The following FBXW4 variants were observed in gnomAD, a reference collection of about 807,000 sequenced individuals.
The protein encoded by FBXW4 is F-box/WD repeat-containing protein 4.
In FBXW4, 40 loss-of-function variants were observed where a neutral mutation model predicts 61.8. The observed-to-expected ratio is 0.65, with a 90% CI of 0.50 to 0.84. The LOEUF (loss-of-function observed/expected upper bound fraction) is 0.84. Among genes scored for constraint, FBXW4 ranks in the 40% least tolerant of loss-of-function variants. The probability of loss-of-function intolerance (pLI) is 0.00; values close to 1 mark genes in which losing one functional copy is unlikely to be tolerated. For synonymous variants in FBXW4, 311 were observed against 313.8 expected (o/e 0.99, Z 0.10); for missense variants, 672 against 753.8 (o/e 0.89, Z 1.27).
At chr10:101,665,269 T>A (rs1386645035) in intron 5 of FBXW4, among the ~76,000 whole-genome samples, 2 of 152,144 alleles carry the variant, frequency 1.3e-5, no homozygotes, top group Non-Finnish European at 2.9e-5. Context: ...ACACAAACTA[T>A]TTTTTAAAAG....
intron 5 of FBXW4, among the ~76,000 whole-genome samples, chr10:101,646,503 T>G (rs1348436590): frequency 6.6e-6 from 1 of 152,212 alleles, no homozygotes; most frequent in Non-Finnish European, 1.5e-5. Context: ...CAGAAAGCAT[T>G]TCCCCCACAG....
At chr10:101,619,683 G>GT (rs2063853099) in intron 6 of FBXW4, among the ~76,000 whole-genome samples, 1 of 151,798 alleles carries the variant, frequency 6.6e-6, no homozygotes, top group South Asian at 2.1e-4. Flanking sequence ...AGAAGAGGAA[G>GT]GGGGAAGGGG....
chr10:101,638,488 CAA>C (rs781303866), intron 5 of FBXW4, among the ~76,000 whole-genome samples: 20 of 79,520 alleles, frequency 2.5e-4, no homozygotes, highest in Admixed American at 4.1e-4. Flanking sequence ...GGATGTCCTG[CAA>C]AAAAAAAAAA....
chr10:101,645,249 A>G (rs961149932), intron 5 of FBXW4, among the ~76,000 whole-genome samples: 1 of 152,192 alleles, frequency 6.6e-6, no homozygotes, highest in African/African-American at 2.4e-5. Flanking sequence ...CCCCTGCGGC[A>G]TGGAACAGCC....
Position 101,611,794 on chromosome 10 carries a change from G to T in FBXW4, c.1443-25C>A. ...CCTGTCCAGGAAGAGGAGAAGCAGA[G>T]GGAGGTTTAGGGTACCCTCCACCTC... On this transcript the variant is annotated intron_variant, in intron 7 of 8. Coordinates refer to ENST00000331272, the MANE Select transcript of FBXW4 (RefSeq NM_022039.4). This position sits in a 1 kb window ranked among gnomAD's most constrained non-coding sequence, Gnocchi z 4.9. The T allele has an allele frequency of 6.2e-7, 1 of 1,604,874 alleles. No homozygotes were observed. Among genetic ancestry groups the T allele is most frequent in the South Asian group, 1.1e-5 (1 of 90,666 alleles).
At chr10:101,627,276 C>T (rs1474305612) in intron 5 of FBXW4, among the ~76,000 whole-genome samples, 1 of 152,128 alleles carries the variant, frequency 6.6e-6, no homozygotes, top group East Asian at 1.9e-4. Flanking sequence ...CACCTAACCA[C>T]TATGAATCAA....
At chr10:101,663,862 ACCT>A (rs764397130) in intron 5 of FBXW4, among the ~76,000 whole-genome samples, 2 of 152,058 alleles carry the variant, frequency 1.3e-5, no homozygotes, top group Non-Finnish European at 2.9e-5. Context: ...TCCAGGTGAG[ACCT>A]CCTCTACAGG....
At chr10:101,618,024 G>T (rs911919304) in intron 6 of FBXW4, among the ~76,000 whole-genome samples, 3 of 152,236 alleles carry the variant, frequency 2.0e-5, no homozygotes, top group Non-Finnish European at 4.4e-5. Flanking sequence ...GAGGGCCAGG[G>T]CAGACAAAGC....
chr10:101,646,159 C>T (rs557965914), intron 5 of FBXW4, among the ~76,000 whole-genome samples: 11 of 152,158 alleles, frequency 7.2e-5, no homozygotes, highest in Admixed American at 1.3e-4. Context: ...TATACTGTTC[C>T]CCTGCAGTAT....
chr10:101,634,435 C>G (rs2134832942), intron 5 of FBXW4, among the ~76,000 whole-genome samples: 1 of 149,132 alleles, frequency 6.7e-6, no homozygotes, highest in East Asian at 1.9e-4. Flanking sequence ...TAAAATTCAT[C>G]TAGAAGAGGA....
intron 5 of FBXW4, among the ~76,000 whole-genome samples, chr10:101,644,242 A>G (rs1194339072): frequency 3.3e-5 from 5 of 152,144 alleles, no homozygotes; most frequent in Admixed American, 3.3e-4. Context: ...GTGCAAGCCA[A>G]ACAAAAGAGG....
At chr10:101,659,532 T>C (rs974111635) in intron 5 of FBXW4, 16 of 508,294 alleles carry the variant, frequency 3.1e-5, no homozygotes, top group African/African-American at 2.9e-4. Context: ...TATGAAGCAA[T>C]GAGATGCTTC....
At chr10:101,653,453 T>C (rs1185311027) in intron 5 of FBXW4, among the ~76,000 whole-genome samples, 1 of 152,200 alleles carries the variant, frequency 6.6e-6, no homozygotes, top group Non-Finnish European at 1.5e-5. Context: ...GCCAGACTTG[T>C]CCACTCTGAA....
intron 5 of FBXW4, among the ~76,000 whole-genome samples, chr10:101,633,879 G>C (rs573477517): frequency 6.6e-6 from 1 of 152,126 alleles, no homozygotes; most frequent in African/African-American, 2.4e-5. Context: ...AGGAGGCTGA[G>C]GGGGGTGGAT....
chr10:101,640,484 C>CTTTTTTTTTTTTTTTTTTTTTTTT (rs386372272), intron 5 of FBXW4, among the ~76,000 whole-genome samples: 1 of 83,874 alleles, frequency 1.2e-5, no homozygotes, highest in African/African-American at 5.2e-5. Flanking sequence ...CTTTCTTTCT[C>CTTTTTTTTTTTTTTTTTTTTTTTT]TTTTTTTTTT....
chr10:101,646,056 A>C (rs935274949), intron 5 of FBXW4, among the ~76,000 whole-genome samples: 1 of 152,198 alleles, frequency 6.6e-6, no homozygotes, highest in Non-Finnish European at 1.5e-5. Context: ...TACAAGTGCT[A>C]ATCACTCTTG....
intron 5 of FBXW4, among the ~76,000 whole-genome samples, chr10:101,650,936 G>C (rs2064140321): frequency 6.6e-6 from 1 of 152,204 alleles, no homozygotes; most frequent in Non-Finnish European, 1.5e-5. Context: ...AGCTCCAAGT[G>C]ACTAAGCGCA....
At chr10:101,653,710 G>A (rs956360323) in intron 5 of FBXW4, among the ~76,000 whole-genome samples, 1 of 152,124 alleles carries the variant, frequency 6.6e-6, no homozygotes, top group African/African-American at 2.4e-5. Context: ...TATCGTTTCA[G>A]TACATGCATT....
intron 5 of FBXW4, among the ~76,000 whole-genome samples, chr10:101,647,811 C>T (rs2064114126): frequency 6.6e-6 from 1 of 152,202 alleles, no homozygotes; most frequent in South Asian, 2.1e-4. Flanking sequence ...CATTTCTCCA[C>T]AGTACCTGTG....
Sources: allele counts gnomAD v4.1 joint callset (sites outside exome capture counted in the v4.1 genomes callset), GRCh38; gene constraint gnomAD v4.1.1; non-coding constraint Gnocchi (gnomAD v3.1); transcripts MANE v1.5; gene names NCBI Gene and HGNC (gene_info 2026-07-23, HGNC 2026-07-21).